The following NALF1 variants were observed in gnomAD, a reference collection of about 807,000 sequenced individuals.
NALF1 encodes family with sequence similarity 155 member A.
A neutral mutation model predicts 48.4 loss-of-function variants in NALF1; 3 were observed. That is an observed-to-expected ratio of 0.06 (90% confidence interval 0.03 to 0.16). The LOEUF is 0.16. Among genes scored for constraint, NALF1 ranks in the 10% least tolerant of loss-of-function variants. The pLI, the probability that NALF1 is intolerant of heterozygous loss-of-function variation, is 1.00. For missense variants in NALF1, 526 were observed against 571.5 expected, an observed-to-expected ratio of 0.92 and a Z score of 0.81; for synonymous variants, 262 against 245.7, an observed-to-expected ratio of 1.07 and a Z score of -0.62.
chr13:107,714,053 G>A (rs182935647), intron 1 of NALF1, among the ~76,000 whole-genome samples: 53 of 152,316 alleles, frequency 3.5e-4, no homozygotes, highest in Non-Finnish European at 7.1e-4. Context: ...AGTGAGGCCT[G>A]CCACAAGCTA....
chr13:107,772,082 T>C (rs1043152603), intron 1 of NALF1, among the ~76,000 whole-genome samples: 1 of 152,132 alleles, frequency 6.6e-6, no homozygotes, highest in East Asian at 1.9e-4. Context: ...AATATAGTAA[T>C]TAAGAAAATT....
intron 2 of NALF1, among the ~76,000 whole-genome samples, chr13:107,206,122 CAT>C (rs1341570019): frequency 2.6e-5 from 4 of 152,180 alleles, no homozygotes; most frequent in African/African-American, 4.8e-5. Flanking sequence ...CATTAAATGA[CAT>C]GTTTCACCCT....
intron 1 of NALF1, among the ~76,000 whole-genome samples, chr13:107,416,387 C>T (rs1415748305): frequency 1.3e-5 from 2 of 151,822 alleles, no homozygotes; most frequent in Non-Finnish European, 2.9e-5. Flanking sequence ...CTACCTCTTC[C>T]CTCCTTCAGC....
intron 1 of NALF1, among the ~76,000 whole-genome samples, chr13:107,311,106 TC>T (rs1566481701): frequency 6.6e-6 from 1 of 152,092 alleles, no homozygotes; most frequent in Non-Finnish European, 1.5e-5. Context: ...ACATTTTTTT[TC>T]CCCCAAGAAA....
intron 1 of NALF1, among the ~76,000 whole-genome samples, chr13:107,836,432 T>C (rs1879890899): frequency 2.0e-5 from 3 of 152,166 alleles, no homozygotes; most frequent in South Asian, 2.1e-4. Flanking sequence ...ATTAAGATCG[T>C]TAAACATTAA....
At chr13:107,294,305 T>C (rs916286644) in intron 1 of NALF1, among the ~76,000 whole-genome samples, 3 of 152,186 alleles carry the variant, frequency 2.0e-5, no homozygotes, top group East Asian at 1.9e-4. Flanking sequence ...ATAAAGATTA[T>C]AAGGATTAGT....
intron 1 of NALF1, among the ~76,000 whole-genome samples, chr13:107,606,641 C>T (rs1879079919): frequency 6.6e-6 from 1 of 152,088 alleles, no homozygotes; most frequent in African/African-American, 2.4e-5. Flanking sequence ...GCTAAGATTA[C>T]AGGCATGAGC....
intron 1 of NALF1, among the ~76,000 whole-genome samples, chr13:107,621,249 A>G (rs1879510148): frequency 6.6e-6 from 1 of 152,232 alleles, no homozygotes; most frequent in Non-Finnish European, 1.5e-5. Flanking sequence ...AAGGACAGTA[A>G]GAATATTTCA....
intron 1 of NALF1, among the ~76,000 whole-genome samples, chr13:107,391,042 A>C (rs77502049): frequency 0.032 from 4,948 of 152,248 alleles, 269 homozygotes; most frequent in African/African-American, 0.11. Context: ...TGGAGGAAGG[A>C]GCATCAGTGC....
chr13:107,297,154 C>G (rs1213028387), intron 1 of NALF1, among the ~76,000 whole-genome samples: 1 of 152,062 alleles, frequency 6.6e-6, no homozygotes, highest in Admixed American at 6.6e-5. Context: ...ATTTTTATTA[C>G]AATATTCTTC....
chr13:107,691,838 A>G (rs1197622941), intron 1 of NALF1, among the ~76,000 whole-genome samples: 1 of 152,258 alleles, frequency 6.6e-6, no homozygotes, highest in Non-Finnish European at 1.5e-5. Context: ...AGGTAGGTTT[A>G]AACAAGATTT....
intron 2 of NALF1, among the ~76,000 whole-genome samples, chr13:107,174,870 C>G (rs1156334421): frequency 1.3e-5 from 2 of 151,324 alleles, no homozygotes; most frequent in Non-Finnish European, 2.9e-5. Flanking sequence ...CTCAGATCAA[C>G]AATCTTTTCT....
intron 1 of NALF1, among the ~76,000 whole-genome samples, chr13:107,592,781 AC>A (rs1362346459): frequency 1.3e-5 from 2 of 152,022 alleles, no homozygotes; most frequent in East Asian, 3.9e-4. Context: ...TCTTTGCATG[AC>A]TTTTAACAGC....
At chr13:107,722,361 A>C (rs1459753972) in intron 1 of NALF1, among the ~76,000 whole-genome samples, 1 of 152,198 alleles carries the variant, frequency 6.6e-6, no homozygotes, top group Non-Finnish European at 1.5e-5. Flanking sequence ...GCAATCCTTG[A>C]TATCTATTCC....
intron 1 of NALF1, among the ~76,000 whole-genome samples, chr13:107,828,587 CTATCTA>C (rs1555328448): frequency 7.0e-5 from 3 of 42,584 alleles, no homozygotes; most frequent in African/African-American, 1.3e-4. Context: ...ATCTATCTAT[CTATCTA>C]TATCTATATC....
chr13:107,298,917 G>C (rs532811837), intron 1 of NALF1, among the ~76,000 whole-genome samples: 1 of 152,064 alleles, frequency 6.6e-6, no homozygotes, highest in Non-Finnish European at 1.5e-5. Context: ...TTAAATCTGA[G>C]AGTCTCTCCA....
chr13:107,560,262 G>A (rs1877607269), intron 1 of NALF1, among the ~76,000 whole-genome samples: 1 of 152,140 alleles, frequency 6.6e-6, no homozygotes, highest in South Asian at 2.1e-4. Context: ...TTCCAGAAAA[G>A]GAGGAAAATG....
intron 1 of NALF1, among the ~76,000 whole-genome samples, chr13:107,238,496 T>C (rs1594084188): frequency 6.6e-6 from 1 of 152,134 alleles, no homozygotes. Flanking sequence ...GAGCTCTCAG[T>C]CCACTGAAGA....
chr13:107,539,063 G>T (rs1876924593), intron 1 of NALF1, among the ~76,000 whole-genome samples: 1 of 150,040 alleles, frequency 6.7e-6, no homozygotes, highest in Non-Finnish European at 1.5e-5. Flanking sequence ...CAACACACAT[G>T]TGAACTTCTT....
Sources: allele counts gnomAD v4.1 joint callset (sites outside exome capture counted in the v4.1 genomes callset), GRCh38; gene constraint gnomAD v4.1.1; transcripts MANE v1.5; gene names NCBI Gene and HGNC (gene_info 2026-07-23, HGNC 2026-07-21).